The following KATNAL1 variants were observed in gnomAD, a reference collection of about 807,000 sequenced individuals.
KATNAL1 encodes the protein katanin p60 ATPase-containing subunit A-like 1.
A neutral mutation model predicts 55.2 loss-of-function variants in KATNAL1; 32 were observed. That is an observed-to-expected ratio of 0.58 (90% CI 0.44 to 0.78). The LOEUF (loss-of-function observed/expected upper bound fraction) is 0.78. Ranked by LOEUF, KATNAL1 falls within the 30% of genes least tolerant of loss-of-function variation. The pLI, the probability that KATNAL1 is intolerant of heterozygous loss-of-function variation, is 0.00. For synonymous variants in KATNAL1, 193 were observed against 193.6 expected, an observed-to-expected ratio of 1.00 and a Z score of 0.02; for missense variants, 466 against 600.9, an observed-to-expected ratio of 0.78 and a Z score of 2.35.
chr13:30,267,283 T>C (rs1489522915), intron 3 of KATNAL1, among the ~76,000 whole-genome samples: 1 of 152,248 alleles, frequency 6.6e-6, no homozygotes, highest in East Asian at 1.9e-4. Flanking sequence ...TTATCAGGAC[T>C]ATACAACTTC....
intron 4 of KATNAL1, among the ~76,000 whole-genome samples, chr13:30,248,355 TA>T (rs1181051605): frequency 3.9e-5 from 6 of 152,172 alleles, no homozygotes; most frequent in Admixed American, 1.3e-4. Context: ...AATAGTTATT[TA>T]GATATAAAAA....
rs71299873 is a variant in KATNAL1 at position 30,271,878 on chromosome 13, GAAAAAAAAAAA to G, written c.323+8174_323+8184del. Among the ~76,000 whole-genome samples, 3 of 76,792 alleles carry G rather than the reference GAAAAAAAAAAA, an allele frequency of 3.9e-5. No individual in the cohort carries two copies. The East Asian group carries it at 1.2e-3, about 31-fold the overall frequency. The allele number at this position is 76,792 out of a possible 152,430, so 50.4% of individuals were successfully genotyped here. A position where few individuals can be genotyped will look rare whatever the true frequency, so the allele number is the denominator to read the frequency against. On this transcript the variant is annotated intron_variant, in intron 3 of 10. Transcript: ENST00000380615. ...CTGCAGTCAGAATAAAAGAAAAGAG[GAAAAAAAAAAA>G]AAAAAAAAAAACAGAGTTGTGTAAT... is the stretch of plus-strand genomic sequence containing the variant.
At chr13:30,213,462 C>T (rs1251506170) in intron 9 of KATNAL1, among the ~76,000 whole-genome samples, 2 of 151,094 alleles carry the variant, frequency 1.3e-5, no homozygotes, top group African/African-American at 4.9e-5. Flanking sequence ...CGGGCAGAGA[C>T]ACACCCAAAA....
chr13:30,212,808 G>C (rs1473136039), intron 9 of KATNAL1, among the ~76,000 whole-genome samples: 2 of 152,162 alleles, frequency 1.3e-5, no homozygotes, highest in African/African-American at 4.8e-5. Flanking sequence ...TAGATGGTAT[G>C]GGTTAAACCA....
chr13:30,289,948 T>C (rs1489542608), intron 1 of KATNAL1, among the ~76,000 whole-genome samples: 1 of 152,260 alleles, frequency 6.6e-6, no homozygotes, highest in Non-Finnish European at 1.5e-5. Flanking sequence ...AAACCTTATA[T>C]GTGGACAATG....
At chr13:30,286,709 T>C (rs1023125906) in intron 1 of KATNAL1, among the ~76,000 whole-genome samples, 3 of 152,156 alleles carry the variant, frequency 2.0e-5, no homozygotes. Context: ...GATCCCGGAA[T>C]GGTAGATCCA....
chr13:30,210,993 G>A (rs1004219340), intron 9 of KATNAL1, among the ~76,000 whole-genome samples: 1 of 152,168 alleles, frequency 6.6e-6, no homozygotes, highest in African/African-American at 2.4e-5. Context: ...ACAGACATTT[G>A]CTGTTCCAGT....
At chr13:30,296,632 C>T (rs1262411154) in intron 1 of KATNAL1, 2 of 694,246 alleles carry the variant, frequency 2.9e-6, no homozygotes, top group Non-Finnish European at 2.7e-6. Context: ...ATCCAGTACA[C>T]GGACGAGCAC....
intron 1 of KATNAL1, among the ~76,000 whole-genome samples, chr13:30,290,971 T>A (rs1429130950): frequency 6.6e-6 from 1 of 152,198 alleles, no homozygotes; most frequent in African/African-American, 2.4e-5. Context: ...GTAATGGACA[T>A]CTATGAAATA....
At chr13:30,255,998 A>G (rs1172991899) in intron 3 of KATNAL1, among the ~76,000 whole-genome samples, 1 of 152,176 alleles carries the variant, frequency 6.6e-6, no homozygotes, top group African/African-American at 2.4e-5. Context: ...TTTTAGAAAA[A>G]AGCATTAAAA....
Position 30,255,491 on chromosome 13 carries a change from T to A in KATNAL1, c.448A>T (p.Thr150Ser), listed in dbSNP as rs755467691. 3.1e-6 allele frequency: 5 copies of A among 1,595,950 alleles called. No homozygotes were observed. In the East Asian group the frequency reaches 9.3e-5, roughly 30 times the overall value. The change falls in exon 4 of 11, where the codon ACA becomes TCA. Residue 150 changes from threonine (T) to serine (S), a missense_variant. This residue lies in a region of KATNAL1 where 248 missense variants were observed against 275.5 expected (regional missense o/e 0.90). Coordinates refer to ENST00000380615, the MANE Select transcript of KATNAL1 (RefSeq NM_032116.5). ...HPISKSEKPSTSRDKDYRARG... is the reference protein window; with the variant it reads ...HPISKSEKPSSSRDKDYRARG... ...GCTCTATAGTCCTTGTCCCTACTTG[T>A]AGAAGGCTTTTCACTCTTTGATATA...
At chr13:30,300,484 G>A (rs1206366037) in intron 1 of KATNAL1, among the ~76,000 whole-genome samples, 1 of 151,396 alleles carries the variant, frequency 6.6e-6, no homozygotes, top group Non-Finnish European at 1.5e-5. Flanking sequence ...GTACCACAAT[G>A]AATTTTATCA....
chr13:30,208,871 C>T, intron 10 of KATNAL1, 133 bp from the exon 11 acceptor site: 1 of 634,876 alleles, frequency 1.6e-6, no homozygotes, highest in Admixed American at 3.5e-5. Context: ...GAATTTTCCA[C>T]TTAAGAAACA....
intron 3 of KATNAL1, among the ~76,000 whole-genome samples, chr13:30,276,915 G>A (rs73443690): frequency 0.017 from 2,608 of 152,170 alleles, 87 homozygotes; most frequent in African/African-American, 0.059. Flanking sequence ...ACTGTAAATG[G>A]GGTTCATAAT....
At chr13:30,256,353 GCA>G (rs1023795671) in intron 3 of KATNAL1, among the ~76,000 whole-genome samples, 84 of 152,280 alleles carry the variant, frequency 5.5e-4, no homozygotes, top group African/African-American at 1.9e-3. Flanking sequence ...AGGCTTCTCA[GCA>G]CAGTTTTTGT....
intron 9 of KATNAL1, among the ~76,000 whole-genome samples, chr13:30,212,016 A>G (rs1013575605): frequency 6.6e-6 from 1 of 152,224 alleles, no homozygotes; most frequent in Non-Finnish European, 1.5e-5. Context: ...GACTATCCAC[A>G]GGGAAAAAAA....
rs773082587 is a variant in KATNAL1, at chr13:30,255,575, G to A, written c.364C>T (p.Pro122Ser). Residue 122 changes from proline to serine, a missense_variant, in exon 4 of 11, where the codon CCT (proline) becomes TCT (serine). By Grantham distance (74) the Pro-to-Ser change is moderately conservative. Coordinates refer to ENST00000380615, the MANE Select transcript of KATNAL1 (RefSeq NM_032116.5). ...ACTCCTGCCATTTCTTTCCTCAGAG[G>A]TCTTACTTCTCGATTGGGACGCCTG... ...QIRRPNREVR[P>S]LRKEMAGVGA... 2 of 1,562,612 alleles carry A rather than the reference G, an allele frequency of 1.3e-6. No homozygotes were observed. The highest frequency in any genetic ancestry group is 1.2e-5 in the South Asian group (1 of 83,738).
intron 3 of KATNAL1, among the ~76,000 whole-genome samples, chr13:30,265,666 T>G (rs1417323321): frequency 2.6e-5 from 4 of 151,938 alleles, no homozygotes; most frequent in Non-Finnish European, 5.9e-5. Flanking sequence ...TTTCTACTTA[T>G]GAGCCTAGCA....
intron 3 of KATNAL1, among the ~76,000 whole-genome samples, chr13:30,264,635 C>G (rs1434656383): frequency 1.4e-5 from 2 of 147,120 alleles, no homozygotes; most frequent in African/African-American, 2.5e-5. Context: ...CTCATCATCA[C>G]TGGCCATCAG....
Sources: allele counts gnomAD v4.1 joint callset (sites outside exome capture counted in the v4.1 genomes callset), GRCh38; gene constraint gnomAD v4.1.1; regional missense constraint gnomAD v4.1.1; transcripts MANE v1.5; gene names NCBI Gene and HGNC (gene_info 2026-07-23, HGNC 2026-07-21).